The following HHAT variants were observed in gnomAD, a reference collection of about 807,000 sequenced individuals.
The protein encoded by HHAT is protein-cysteine N-palmitoyltransferase HHAT.
In HHAT, 47 loss-of-function variants were observed where a neutral mutation model predicts 70.8. The ratio of observed to expected loss-of-function variants is 0.66; its 90% CI spans 0.53 to 0.85. The LOEUF is 0.85. HHAT is among the 40% of genes least tolerant of loss of function. The pLI, the probability that HHAT is intolerant of heterozygous loss-of-function variation, is 0.00. For synonymous variants in HHAT, 228 were observed against 247.6 expected, an observed-to-expected ratio of 0.92 and a Z score of 0.74; for missense variants, 609 against 604.8, an observed-to-expected ratio of 1.01 and a Z score of -0.07.
chr1:210,554,650 TTCAA>T (rs1197407908), intron 9 of HHAT, among the ~76,000 whole-genome samples: 5 of 152,098 alleles, frequency 3.3e-5, no homozygotes, highest in Admixed American at 6.5e-5. Flanking sequence ...CTAAGATCCT[TTCAA>T]TGAGAAGGTG....
At chr1:210,370,876 A>G (rs1412621415) in intron 3 of HHAT, among the ~76,000 whole-genome samples, 1 of 152,174 alleles carries the variant, frequency 6.6e-6, no homozygotes, top group Non-Finnish European at 1.5e-5. Flanking sequence ...GGCCTCCCAA[A>G]GTGCTGGGAT....
chr1:210,379,302 T>A (rs1407735271), intron 3 of HHAT, among the ~76,000 whole-genome samples: 1 of 152,228 alleles, frequency 6.6e-6, no homozygotes, highest in Non-Finnish European at 1.5e-5. Flanking sequence ...TGTTTGTATT[T>A]GTTCATGAGA....
At chr1:210,481,997 T>A (rs1024735153) in intron 8 of HHAT, among the ~76,000 whole-genome samples, 5 of 151,766 alleles carry the variant, frequency 3.3e-5, no homozygotes, top group Admixed American at 1.3e-4. Context: ...AGCAGGAGAG[T>A]GGCAGGAGAC....
At chr1:210,431,940 T>C (rs577799386) in intron 7 of HHAT, among the ~76,000 whole-genome samples, 4 of 152,062 alleles carry the variant, frequency 2.6e-5, no homozygotes, top group African/African-American at 9.7e-5. Context: ...ATAATTGTTT[T>C]ATTCGACTCT....
chr1:210,616,097 T>A (rs184819606), intron 10 of HHAT, among the ~76,000 whole-genome samples: 1 of 152,330 alleles, frequency 6.6e-6, no homozygotes, highest in African/African-American at 2.4e-5. Context: ...CAAAGATGTA[T>A]TGGGCAAAAC....
At chr1:210,442,346 A>G (rs2093536552) in intron 7 of HHAT, among the ~76,000 whole-genome samples, 2 of 139,692 alleles carry the variant, frequency 1.4e-5, no homozygotes, top group African/African-American at 5.4e-5. Flanking sequence ...CATGATTTAT[A>G]GTCCTTTGGG....
chr1:210,389,924 A>G (rs1254641899), intron 4 of HHAT, among the ~76,000 whole-genome samples: 1 of 152,228 alleles, frequency 6.6e-6, no homozygotes, highest in Non-Finnish European at 1.5e-5. Context: ...CAAACATTCA[A>G]ACCACAGCGG....
intron 10 of HHAT, among the ~76,000 whole-genome samples, 156 bp from the exon 11 acceptor site, chr1:210,623,370 G>A (rs1236307059): frequency 6.6e-6 from 1 of 152,212 alleles, no homozygotes; most frequent in Non-Finnish European, 1.5e-5. Flanking sequence ...GCCACGCCCA[G>A]ACAGGAATTG....
chr1:210,370,790 A>G (rs1183200348), intron 3 of HHAT, among the ~76,000 whole-genome samples: 1 of 151,576 alleles, frequency 6.6e-6, no homozygotes, highest in Non-Finnish European at 1.5e-5. Flanking sequence ...AAGTTTTTGT[A>G]TTTGTAGTAG....
In HHAT at chr1:210,630,999, G is replaced by T. The variant is rs1365712867; in HGVS notation, c.1390+7329G>T. 1.3e-5 allele frequency: 6 copies of T among 450,736 alleles called. No homozygotes were observed. The East Asian group carries it at 2.1e-4, about 16-fold the overall frequency. 27.9% of individuals were successfully genotyped at this position (450,736 alleles called of 1,614,324 possible). On this transcript the variant is annotated intron_variant, in intron 11 of 11. Coordinates refer to ENST00000261458, the MANE Select transcript of HHAT (RefSeq NM_018194.6). ...ATCTTTGTATTTTTCTGTTACAGGA[G>T]GTTTATTTTTATTTTTTTTACTCAA...
intron 1 of HHAT, among the ~76,000 whole-genome samples, chr1:210,346,148 A>G (rs1187818543): frequency 2.0e-5 from 3 of 152,152 alleles, no homozygotes; most frequent in African/African-American, 4.8e-5. Flanking sequence ...TAAATCCTTA[A>G]TGCAGGAGGA....
At chr1:210,518,599 C>G (rs547722708) in intron 9 of HHAT, among the ~76,000 whole-genome samples, 4 of 152,138 alleles carry the variant, frequency 2.6e-5, no homozygotes, top group African/African-American at 9.7e-5. Flanking sequence ...TTGAGACCAG[C>G]CTGGCCAACA....
chr1:210,473,367 C>T lies in HHAT; in HGVS notation c.1007+8712C>T, dbSNP rs527381817. Among the ~76,000 whole-genome samples the T allele has an allele frequency of 5.3e-5, 8 of 152,302 alleles. No homozygotes were observed. The East Asian group carries it at 1.5e-3, about 29-fold the overall frequency. On this transcript the variant is annotated intron_variant, in intron 8 of 11. Transcript: ENST00000261458. ...TATAATGAGGCATGTTCAACCCCTTCTTCCCATGATGGCCTGAACTAGTTT... is the reference window on the plus strand; with the variant it reads ...TATAATGAGGCATGTTCAACCCCTTTTTCCCATGATGGCCTGAACTAGTTT...
chr1:210,431,879 A>AT (rs2093254473), intron 7 of HHAT, among the ~76,000 whole-genome samples: 1 of 151,842 alleles, frequency 6.6e-6, no homozygotes, highest in Non-Finnish European at 1.5e-5. Context: ...AAATTGGAAA[A>AT]TTTGAAAAGT....
At chr1:210,621,313 G>C (rs1668783360) in intron 10 of HHAT, among the ~76,000 whole-genome samples, 1 of 152,092 alleles carries the variant, frequency 6.6e-6, no homozygotes, top group African/African-American at 2.4e-5. Context: ...GTGAGGCTGG[G>C]GGAGACTGAT....
In HHAT at chr1:210,667,658, C is replaced by T. The variant is rs546636942; in HGVS notation, c.1391-6630C>T. On this transcript the variant is annotated intron_variant, in intron 11 of 11. Coordinates refer to ENST00000261458, the MANE Select transcript of HHAT (RefSeq NM_018194.6). The stretch of plus-strand genomic sequence containing the variant: ...TCACAATCAAGATATAAAACATCAT[C>T]ATCCCAAAAGATTCCTAGGGCCCCT... Among the ~76,000 whole-genome samples the T allele has an allele frequency of 2.0e-5, 3 of 152,268 alleles. No individual in the cohort carries two copies. The East Asian group carries it at 5.8e-4, about 29-fold the overall frequency.
chr1:210,564,877 A>T (rs1000505606), intron 9 of HHAT, among the ~76,000 whole-genome samples: 4 of 152,182 alleles, frequency 2.6e-5, no homozygotes, highest in African/African-American at 9.7e-5. Flanking sequence ...ATGGGGGGTC[A>T]CTTAGAGACT....
chr1:210,637,185 C>A (rs1445899869), intron 11 of HHAT, among the ~76,000 whole-genome samples: 1 of 152,118 alleles, frequency 6.6e-6, no homozygotes, highest in Non-Finnish European at 1.5e-5. Context: ...CCCCATTTTT[C>A]TTCTATCAAA....
At chr1:210,518,886 TG>T (rs2148599689) in intron 9 of HHAT, among the ~76,000 whole-genome samples, 1 of 152,260 alleles carries the variant, frequency 6.6e-6, no homozygotes, top group Non-Finnish European at 1.5e-5. Context: ...AATAGAAAGT[TG>T]GGAGTTTTAT....
Sources: allele counts gnomAD v4.1 joint callset (sites outside exome capture counted in the v4.1 genomes callset), GRCh38; gene constraint gnomAD v4.1.1; transcripts MANE v1.5; gene names NCBI Gene and HGNC (gene_info 2026-07-23, HGNC 2026-07-21).